The following ITFG1 variants were observed in gnomAD, a reference collection of about 807,000 sequenced individuals.
ITFG1 encodes integrin alpha FG-GAP repeat containing 1.
In ITFG1, 34 loss-of-function variants were observed where a neutral mutation model predicts 81.8. The ratio of observed to expected loss-of-function variants is 0.42; its 90% CI spans 0.32 to 0.55. The LOEUF (loss-of-function observed/expected upper bound fraction) is 0.55. Among genes scored for constraint, ITFG1 ranks in the 20% least tolerant of loss-of-function variants. The probability of loss-of-function intolerance (pLI) is 0.17; values close to 1 mark genes in which losing one functional copy is unlikely to be tolerated. For synonymous variants in ITFG1, 285 were observed against 270.6 expected (o/e 1.05, Z -0.52); for missense variants, 672 against 755.4 (o/e 0.89, Z 1.29).
intron 8 of ITFG1, among the ~76,000 whole-genome samples, chr16:47,356,564 T>C (rs960263940): frequency 1.2e-4 from 18 of 152,166 alleles, no homozygotes; most frequent in African/African-American, 4.1e-4. Flanking sequence ...GGGAATGGAT[T>C]GCTGTGAATA....
intron 14 of ITFG1, among the ~76,000 whole-genome samples, chr16:47,207,316 C>T (rs909825185): frequency 6.6e-6 from 1 of 152,144 alleles, no homozygotes; most frequent in African/African-American, 2.4e-5. Flanking sequence ...GATCTCCTGA[C>T]CTCGTGATCC....
intron 12 of ITFG1, among the ~76,000 whole-genome samples, chr16:47,244,022 C>T (rs1189563339): frequency 2.6e-5 from 4 of 152,148 alleles, no homozygotes; most frequent in African/African-American, 9.7e-5. Flanking sequence ...TAAAGGGAGA[C>T]TCTGTCTCTA....
At position 47,409,393 on chromosome 16, in the gene ITFG1, TATATATA is replaced by T. The variant is rs1333155907; in HGVS notation, c.655+19404_655+19410del. ...CACACACTATATATATATATATATA[TATATATA>T]TATATTTTTTTTTTTTTTTTTTTTT... is the stretch of plus-strand genomic sequence containing the variant. On this transcript the variant is annotated intron_variant, in intron 6 of 17. Transcript: ENST00000320640. Among the ~76,000 whole-genome samples the T allele has an allele frequency of 3.5e-3, 58 of 16,582 alleles. 1 individual carries two copies. Among genetic ancestry groups the T allele is most frequent in the Admixed American group, 0.018 (30 of 1,652 alleles). 10.9% of individuals were successfully genotyped at this position (16,582 alleles called of 152,430 possible).
chr16:47,327,424 G>T (rs1042746601), intron 8 of ITFG1, among the ~76,000 whole-genome samples: 13 of 152,068 alleles, frequency 8.5e-5, no homozygotes, highest in African/African-American at 2.2e-4. Context: ...GGCAAGGACT[G>T]CATGTCTAAA....
intron 10 of ITFG1, among the ~76,000 whole-genome samples, chr16:47,306,767 A>G (rs1967166006): frequency 6.6e-6 from 1 of 152,078 alleles, no homozygotes; most frequent in African/African-American, 2.4e-5. Flanking sequence ...CCTCTACAAT[A>G]CTAACAAAAA....
intron 5 of ITFG1, among the ~76,000 whole-genome samples, chr16:47,439,061 G>A (rs1040775566): frequency 2.6e-5 from 4 of 152,168 alleles, no homozygotes; most frequent in African/African-American, 9.7e-5. Context: ...TAACCGATGC[G>A]ATGAACTGGA....
At position 47,322,074 on chromosome 16, in the gene ITFG1, T is replaced by C. The variant is rs562231342; in HGVS notation, c.803-8251A>G. On this transcript the variant is annotated intron_variant, in intron 8 of 17. Transcript: ENST00000320640. ...GATGTTAAATAGCATACAGGTTGATTTTAAAGTTCTGCACATATACAGAAT... is the reference window on the plus strand; with the variant it reads ...GATGTTAAATAGCATACAGGTTGATCTTAAAGTTCTGCACATATACAGAAT... 2.1e-4 allele frequency among the ~76,000 whole-genome samples: 32 copies of C among 152,316 alleles called. No homozygotes were observed. In the South Asian group the frequency reaches 6.4e-3, roughly 31 times the overall value.
chr16:47,276,177 G>C (rs1036472387), intron 10 of ITFG1, among the ~76,000 whole-genome samples: 1 of 151,758 alleles, frequency 6.6e-6, no homozygotes, highest in Admixed American at 6.6e-5. Context: ...CCAATTATTA[G>C]AATAAGAAAA....
At chr16:47,403,060 T>C (rs1292007659) in intron 6 of ITFG1, among the ~76,000 whole-genome samples, 1 of 152,204 alleles carries the variant, frequency 6.6e-6, no homozygotes, top group African/African-American at 2.4e-5. Context: ...AAGTTCTGTC[T>C]GCAAAATTAT....
intron 14 of ITFG1, among the ~76,000 whole-genome samples, chr16:47,200,400 G>A (rs937432050): frequency 2.6e-5 from 4 of 152,114 alleles, no homozygotes; most frequent in Non-Finnish European, 4.4e-5. Flanking sequence ...TAATTTGATA[G>A]CTCTCTTTAC....
intron 13 of ITFG1, among the ~76,000 whole-genome samples, chr16:47,234,615 G>A (rs923887198): frequency 2.0e-5 from 3 of 152,110 alleles, no homozygotes; most frequent in Admixed American, 1.3e-4. Context: ...TATCATATTC[G>A]AACCGCAAAA....
At chr16:47,386,409 G>A (rs1297959393) in intron 6 of ITFG1, among the ~76,000 whole-genome samples, 1 of 152,142 alleles carries the variant, frequency 6.6e-6, no homozygotes, top group Non-Finnish European at 1.5e-5. Context: ...TCCTAGTCAA[G>A]GACTGTGGTA....
intron 8 of ITFG1, among the ~76,000 whole-genome samples, chr16:47,340,935 A>G (rs376343176): frequency 6.6e-6 from 1 of 152,252 alleles, no homozygotes; most frequent in East Asian, 1.9e-4. Flanking sequence ...CCAAGAAGAT[A>G]TAACAACTGT....
chr16:47,348,408 C>G (rs548201954), intron 8 of ITFG1, among the ~76,000 whole-genome samples: 1 of 152,140 alleles, frequency 6.6e-6, no homozygotes, highest in African/African-American at 2.4e-5. Flanking sequence ...AACTACGTGA[C>G]AAATGCATAA....
chr16:47,365,779 A>G lies in ITFG1; in HGVS notation c.802+9T>C, dbSNP rs1968169691. 4 of 1,523,618 alleles carry G rather than the reference A, an allele frequency of 2.6e-6. No individual in the cohort carries two copies. The highest frequency in any genetic ancestry group is 3.6e-6 in the Non-Finnish European group (4 of 1,110,396). 94.4% of individuals were successfully genotyped at this position (1,523,618 alleles called of 1,614,324 possible). On this transcript the variant is annotated intron_variant, in intron 8 of 17. Coordinates refer to ENST00000320640, the MANE Select transcript of ITFG1 (RefSeq NM_030790.5). ...AAAGCCTTTTTTTTTTTTTTTTACC[A>G]AATCTTACCAAAGTCTGCAAATGCT... is the stretch of plus-strand genomic sequence containing the variant.
chr16:47,250,345 TATATA>T (rs1173592039), intron 12 of ITFG1, among the ~76,000 whole-genome samples: 1 of 151,252 alleles, frequency 6.6e-6, no homozygotes, highest in African/African-American at 2.4e-5. Flanking sequence ...ATATGGTAGT[TATATA>T]ATATATACCT....
Position 47,454,079 on chromosome 16 carries a change from G to A in ITFG1, c.361C>T (p.Leu121Phe), listed in dbSNP as rs1195560435. 3 of 1,607,978 alleles carry A rather than the reference G, an allele frequency of 1.9e-6. No individual in the cohort carries two copies. The South Asian group carries it at 3.3e-5, about 18-fold the overall frequency. ...TCACTCTTGGCATAATTTTTGGGAA[G>A]ATATGTCAGAAGGACATCCATTTGA... Reference protein sequence around the residue: ...DSQMDVLLTYLPKNYAKSELG... With the variant: ...DSQMDVLLTYFPKNYAKSELG... Residue 121 changes from leucine (L) to phenylalanine (F), a missense_variant, in exon 3 of 18, where the codon CTT becomes TTT. Leu to Phe is a conservative substitution (Grantham distance 22, BLOSUM62 0). Coordinates refer to ENST00000320640, the MANE Select transcript of ITFG1 (RefSeq NM_030790.5).
chr16:47,297,800 A>T (rs770123473), intron 10 of ITFG1, among the ~76,000 whole-genome samples: 2 of 152,098 alleles, frequency 1.3e-5, no homozygotes, highest in Admixed American at 6.5e-5. Flanking sequence ...TTTGATGACT[A>T]TATTTCTTGG....
intron 10 of ITFG1, among the ~76,000 whole-genome samples, chr16:47,280,480 T>C (rs977383667): frequency 1.4e-4 from 21 of 152,204 alleles, no homozygotes; most frequent in African/African-American, 3.9e-4. Context: ...ATTTTTGATA[T>C]ATTGCTGGGA....
Sources: gnomAD v4.1 joint callset for allele counts (sites outside exome capture counted in the v4.1 genomes callset) on GRCh38, gnomAD v4.1.1 for gene constraint, MANE v1.5 for transcripts, NCBI Gene and HGNC (gene_info 2026-07-23, HGNC 2026-07-21) for gene names.